The following DIP2C variants were observed in gnomAD, a reference collection of about 807,000 sequenced individuals.
DIP2C encodes the protein disco-interacting protein 2 homolog C.
Under a neutral mutation model 192.4 loss-of-function variants are expected in DIP2C, and 33 were observed. The ratio of observed to expected loss-of-function variants is 0.17; its 90% CI spans 0.13 to 0.23. The LOEUF (loss-of-function observed/expected upper bound fraction) is 0.23. DIP2C is among the 10% of genes least tolerant of loss of function. The probability of loss-of-function intolerance (pLI) is 1.00; values close to 1 mark genes in which losing one functional copy is unlikely to be tolerated. For missense variants in DIP2C, 1,537 were observed against 2,110.1 expected (o/e 0.73, Z 5.32); for synonymous variants, 979 against 864.1 (o/e 1.13, Z -2.33).
At chr10:317,976 G>A (rs1011641439) in intron 31 of DIP2C, among the ~76,000 whole-genome samples, 8 of 152,214 alleles carry the variant, frequency 5.3e-5, no homozygotes, top group African/African-American at 1.9e-4. Flanking sequence ...CTAGGAAGTC[G>A]TGGGTTTGAT....
rs144514370 is a variant in DIP2C, at chr10:420,205, G to A, written c.605-1006C>T. 2.5e-3 allele frequency among the ~76,000 whole-genome samples: 374 copies of A among 152,326 alleles called. 1 individual carries two copies. Among genetic ancestry groups the A allele is most frequent in the African/African-American group, 8.6e-3 (358 of 41,574 alleles). On this transcript the variant is annotated intron_variant, in intron 5 of 36. Coordinates refer to ENST00000280886, the MANE Select transcript of DIP2C (RefSeq NM_014974.3). Reference sequence around the variant, plus strand: ...CGTGCCCGGAGGCCGTCTAGACGGCGAAATCAACTGAACGCACAAAAACAG... The same window carrying A: ...CGTGCCCGGAGGCCGTCTAGACGGCAAAATCAACTGAACGCACAAAAACAG...
At chr10:364,239 T>C in intron 20 of DIP2C, 135 bp downstream of exon 20, 2 of 995,554 alleles carry the variant, frequency 2.0e-6, no homozygotes, top group Middle Eastern at 3.4e-4. Context: ...CAGAGTCCAG[T>C]TGCTTCAATA....
chr10:589,105 T>C (rs904093196), intron 1 of DIP2C, among the ~76,000 whole-genome samples: 2 of 152,128 alleles, frequency 1.3e-5, no homozygotes, highest in Non-Finnish European at 2.9e-5. Context: ...TCATTTCAGA[T>C]GCTTTCAGGC....
chr10:337,362 T>C (rs1232773113), intron 29 of DIP2C, among the ~76,000 whole-genome samples: 2 of 74,334 alleles, frequency 2.7e-5, no homozygotes, highest in Non-Finnish European at 2.8e-5. Context: ...GCGTGTGTGT[T>C]GTGGAGGCCT....
At chr10:601,100 C>A (rs1852044441) in intron 1 of DIP2C, among the ~76,000 whole-genome samples, 1 of 152,198 alleles carries the variant, frequency 6.6e-6, no homozygotes, top group African/African-American at 2.4e-5. Flanking sequence ...ACTCTTTACT[C>A]CCTTGTTTGG....
chr10:282,638 C>CT (rs1954893113), intron 35 of DIP2C, among the ~76,000 whole-genome samples: 1 of 152,258 alleles, frequency 6.6e-6, no homozygotes, highest in Non-Finnish European at 1.5e-5. Flanking sequence ...TACAAGTGCA[C>CT]TTTTACATGT....
At chr10:650,449 G>T in intron 1 of DIP2C, 3 of 708,982 alleles carry the variant, frequency 4.2e-6, no homozygotes, top group Admixed American at 2.0e-5. Context: ...TATGGTAGGT[G>T]ACCCGGTTAT....
chr10:483,472 A>T (rs545725237), intron 2 of DIP2C, among the ~76,000 whole-genome samples: 2 of 152,232 alleles, frequency 1.3e-5, no homozygotes, highest in Non-Finnish European at 2.9e-5. Flanking sequence ...GTCGGCAGGG[A>T]AACAGCCTCG....
At chr10:286,184 A>C in intron 34 of DIP2C, 89 bp downstream of exon 34, 1 of 1,199,628 alleles carries the variant, frequency 8.3e-7, no homozygotes, top group Non-Finnish European at 1.2e-6. Flanking sequence ...TGGCAGATGG[A>C]GGGCATGTGA....
At chr10:418,949 G>A (rs185713526) in intron 6 of DIP2C, 116 bp downstream of exon 6, 610 of 1,460,052 alleles carry the variant, frequency 4.2e-4, no homozygotes, top group African/African-American at 4.2e-4. Context: ...CTGATAAATT[G>A]GCTTTGTCAG....
chr10:360,185 G>A (rs1340828619), intron 22 of DIP2C, among the ~76,000 whole-genome samples: 1 of 152,158 alleles, frequency 6.6e-6, no homozygotes, highest in Non-Finnish European at 1.5e-5. Context: ...TTGGGACCTT[G>A]AATGCCTCCC....
intron 1 of DIP2C, among the ~76,000 whole-genome samples, chr10:573,915 C>T (rs1758958545): frequency 2.0e-5 from 3 of 152,176 alleles, no homozygotes; most frequent in Admixed American, 2.0e-4. Context: ...ACCATGGACA[C>T]ACCACCACAT....
At chr10:369,742 T>G in intron 17 of DIP2C, 109 bp from the exon 18 acceptor site, 1 of 1,566,776 alleles carries the variant, frequency 6.4e-7, no homozygotes, top group Admixed American at 1.7e-5. Flanking sequence ...GGCACAGTGC[T>G]GGCACCCCAG....
At chr10:324,033 C>G (rs1235938055) in intron 31 of DIP2C, among the ~76,000 whole-genome samples, 3 of 152,166 alleles carry the variant, frequency 2.0e-5, no homozygotes, top group African/African-American at 7.2e-5. Flanking sequence ...GACTCTCGCC[C>G]GCACGACTCC....
In DIP2C at chr10:525,480, C is replaced by A. The variant is rs143066931; in HGVS notation, c.86-38950G>T. ...AACAACAGCAAAGTCTACGGCACTT[C>A]TCATACAGAACAAATACAAAGTGTT... is the stretch of plus-strand genomic sequence containing the variant. On this transcript the variant is annotated intron_variant, in intron 1 of 36. Coordinates refer to ENST00000280886, the MANE Select transcript of DIP2C (RefSeq NM_014974.3). Among the ~76,000 whole-genome samples the A allele has an allele frequency of 5.1e-3, 770 of 152,314 alleles. 4 individuals are homozygous for A. Among genetic ancestry groups the A allele is most frequent in the Non-Finnish European group, 6.0e-3 (410 of 68,032 alleles).
At chr10:509,179 A>G (rs913394006) in intron 1 of DIP2C, among the ~76,000 whole-genome samples, 9 of 152,088 alleles carry the variant, frequency 5.9e-5, no homozygotes, top group African/African-American at 1.9e-4. Context: ...ACTGACTGTA[A>G]TTCCCTGGTG....
intron 4 of DIP2C, among the ~76,000 whole-genome samples, chr10:438,426 T>C (rs1311322256): frequency 6.6e-6 from 1 of 152,194 alleles, no homozygotes; most frequent in Non-Finnish European, 1.5e-5. Flanking sequence ...AAAGAACACA[T>C]ACAAATAACA....
intron 1 of DIP2C, among the ~76,000 whole-genome samples, chr10:627,289 G>T (rs777765477): frequency 6.6e-6 from 1 of 152,190 alleles, no homozygotes; most frequent in Non-Finnish European, 1.5e-5. Context: ...GCTGTGGGTC[G>T]GGAAACCCTC....
intron 1 of DIP2C, among the ~76,000 whole-genome samples, chr10:593,998 G>C (rs1851554716): frequency 6.6e-6 from 1 of 152,188 alleles, no homozygotes; most frequent in Admixed American, 6.5e-5. Context: ...AACTGGCCGT[G>C]GAACCAGTGC....
Sources: gnomAD v4.1 joint callset for allele counts (sites outside exome capture counted in the v4.1 genomes callset) on GRCh38, gnomAD v4.1.1 for gene constraint, MANE v1.5 for transcripts, NCBI Gene and HGNC (gene_info 2026-07-23, HGNC 2026-07-21) for gene names.